PDE4D: variants seen among roughly 807,000 people sequenced by gnomAD.
The protein encoded by PDE4D is 3',5'-cyclic-AMP phosphodiesterase 4D.
Under a neutral mutation model 87.4 loss-of-function variants are expected in PDE4D, and 24 were observed. That is an observed-to-expected ratio of 0.27 (90% CI 0.20 to 0.39). PDE4D has a LOEUF of 0.39. PDE4D is among the 10% of genes least tolerant of loss of function. The pLI is 1.00. For missense variants in PDE4D, 714 were observed against 1,041.0 expected (o/e 0.69, Z 4.32); for synonymous variants, 384 against 383.2 (o/e 1.00, Z -0.02).
intron 1 of PDE4D, among the ~76,000 whole-genome samples, chr5:59,386,017 T>C (rs1786903275): frequency 6.6e-6 from 1 of 152,172 alleles, no homozygotes; most frequent in African/African-American, 2.4e-5. Context: ...TGGGTATTTC[T>C]GTGGTAGGGT....
chr5:59,782,041 T>C (rs760723677), intron 1 of PDE4D, among the ~76,000 whole-genome samples: 1 of 152,118 alleles, frequency 6.6e-6, no homozygotes, highest in Non-Finnish European at 1.5e-5. Flanking sequence ...GTTTTGAGTA[T>C]GTGTTATGTT....
chr5:60,142,749 G>A (rs1450085591), intron 2 of PDE4D, among the ~76,000 whole-genome samples: 1 of 152,198 alleles, frequency 6.6e-6, no homozygotes, highest in Non-Finnish European at 1.5e-5. Flanking sequence ...GTGGGTAGCA[G>A]AGAACCACTG....
At chr5:59,554,798 C>T (rs1220719140) in intron 1 of PDE4D, among the ~76,000 whole-genome samples, 7 of 152,046 alleles carry the variant, frequency 4.6e-5, no homozygotes, top group African/African-American at 7.2e-5. Context: ...GGGCCCTTTT[C>T]GATGTTCCAC....
At chr5:60,473,190 G>C (rs556669276) in intron 1 of PDE4D, among the ~76,000 whole-genome samples, 23 of 130,620 alleles carry the variant, frequency 1.8e-4, no homozygotes, top group African/African-American at 6.6e-4. Flanking sequence ...GAAAAAGAAA[G>C]AAAAAAGAAA....
At chr5:59,649,287 T>C (rs1459060873) in intron 1 of PDE4D, among the ~76,000 whole-genome samples, 2 of 152,134 alleles carry the variant, frequency 1.3e-5, no homozygotes, top group African/African-American at 4.8e-5. Context: ...AGGAAGAGAA[T>C]AAAACTCTTC....
chr5:60,159,998 C>A (rs974384380), intron 2 of PDE4D, among the ~76,000 whole-genome samples: 4 of 152,166 alleles, frequency 2.6e-5, no homozygotes, highest in Non-Finnish European at 5.9e-5. Flanking sequence ...AGATTTTCTT[C>A]TGCCTCTGCC....
intron 1 of PDE4D, among the ~76,000 whole-genome samples, chr5:59,326,088 A>G (rs951830681): frequency 2.1e-4 from 32 of 152,006 alleles, no homozygotes; most frequent in African/African-American, 7.7e-4. Context: ...GGACACAGGA[A>G]GGGGAACATC....
At chr5:59,360,263 G>T (rs1021882104) in intron 1 of PDE4D, among the ~76,000 whole-genome samples, 1 of 152,166 alleles carries the variant, frequency 6.6e-6, no homozygotes, top group African/African-American at 2.4e-5. Context: ...AGAGACGAGG[G>T]TTGAGCTGAA....
chr5:59,291,747 T>G (rs1390379512), intron 1 of PDE4D, among the ~76,000 whole-genome samples: 1 of 150,920 alleles, frequency 6.6e-6, no homozygotes, highest in Non-Finnish European at 1.5e-5. Flanking sequence ...AGTTTTTTTT[T>G]TTTTTTTTTG....
chr5:59,925,456 G>A (rs1470602295), intron 3 of PDE4D, among the ~76,000 whole-genome samples: 1 of 151,964 alleles, frequency 6.6e-6, no homozygotes, highest in African/African-American at 2.4e-5. Context: ...AGGAAGGAAA[G>A]AAGAAAGAAG....
intron 1 of PDE4D, among the ~76,000 whole-genome samples, chr5:59,445,209 A>G (rs1413387935): frequency 6.6e-6 from 1 of 152,224 alleles, no homozygotes; most frequent in East Asian, 1.9e-4. Context: ...ATATTATGAA[A>G]AAACCTAGGT....
intron 1 of PDE4D, among the ~76,000 whole-genome samples, chr5:60,233,063 C>T (rs577337949): frequency 7.3e-5 from 11 of 151,674 alleles, no homozygotes; most frequent in African/African-American, 2.2e-4. Flanking sequence ...GATTAGAATC[C>T]ATATAAATAC....
At chr5:59,122,276 A>G (rs56077650) in intron 5 of PDE4D, among the ~76,000 whole-genome samples, 35,022 of 152,012 alleles carry the variant, frequency 0.23, 4,859 homozygotes, top group Non-Finnish European at 0.31. Context: ...GGAACTGGAG[A>G]TCTTTATGTT....
chr5:59,545,279 G>A (rs1325776996), intron 1 of PDE4D, among the ~76,000 whole-genome samples: 1 of 152,128 alleles, frequency 6.6e-6, no homozygotes, highest in Non-Finnish European at 1.5e-5. Context: ...AGTAGATGCA[G>A]GCCATGCAGC....
intron 1 of PDE4D, among the ~76,000 whole-genome samples, chr5:60,192,244 ATT>A (rs1470938152): frequency 6.6e-6 from 1 of 152,096 alleles, no homozygotes; most frequent in Non-Finnish European, 1.5e-5. Flanking sequence ...AAATCTCAAG[ATT>A]TGTCTTGCTT....
At chr5:59,900,201 C>T (rs756052132) in intron 3 of PDE4D, among the ~76,000 whole-genome samples, 2 of 150,588 alleles carry the variant, frequency 1.3e-5, no homozygotes, top group African/African-American at 2.4e-5. Context: ...GATCACACCA[C>T]TGCACTCTAA....
intron 5 of PDE4D, among the ~76,000 whole-genome samples, chr5:59,162,854 A>C (rs1371920278): frequency 3.4e-4 from 4 of 11,906 alleles, no homozygotes; most frequent in South Asian, 3.1e-3. Context: ...ACCCTGCATC[A>C]AAAAAAAAAA....
intron 5 of PDE4D, among the ~76,000 whole-genome samples, chr5:59,141,857 T>C (rs987757649): frequency 6.6e-6 from 1 of 152,190 alleles, no homozygotes; most frequent in Admixed American, 6.5e-5. Context: ...TGGAGGTTCT[T>C]GCAGTTATAG....
chr5:59,929,248 A>T (rs1028243769), intron 3 of PDE4D, among the ~76,000 whole-genome samples: 1 of 152,216 alleles, frequency 6.6e-6, no homozygotes, highest in African/African-American at 2.4e-5. Flanking sequence ...AATATTGTAG[A>T]CATTTACACA....
Sources: gnomAD v4.1 joint callset for allele counts (sites outside exome capture counted in the v4.1 genomes callset) on GRCh38, gnomAD v4.1.1 for gene constraint, MANE v1.5 for transcripts, NCBI Gene and HGNC (gene_info 2026-07-23, HGNC 2026-07-21) for gene names.